The following ANKRD52 variants were observed in gnomAD, a reference collection of about 807,000 sequenced individuals.
ANKRD52 encodes serine/threonine-protein phosphatase 6 regulatory ankyrin repeat subunit C.
In ANKRD52, 7 loss-of-function variants were observed where a neutral mutation model predicts 116.0. The ratio of observed to expected loss-of-function variants is 0.06; its 90% CI spans 0.03 to 0.11. The LOEUF (loss-of-function observed/expected upper bound fraction) is 0.11. Among genes scored for constraint, ANKRD52 ranks in the 10% least tolerant of loss-of-function variants. The pLI, the probability that ANKRD52 is intolerant of heterozygous loss-of-function variation, is 1.00. For synonymous variants in ANKRD52, 528 were observed against 578.1 expected, an observed-to-expected ratio of 0.91 and a Z score of 1.24; for missense variants, 839 against 1,408.6, an observed-to-expected ratio of 0.60 and a Z score of 6.47.
intron 20 of ANKRD52, among the ~76,000 whole-genome samples, chr12:56,246,833 T>G: frequency 6.6e-6 from 1 of 151,050 alleles, no homozygotes; most frequent in Non-Finnish European, 1.5e-5. Context: ...GGCAGGAGAA[T>G]TGCTTGAACC....
At position 56,248,297 on chromosome 12, in the gene ANKRD52, T is replaced by TG; in HGVS notation, c.1777-74dup. On this transcript the variant is annotated intron_variant, in intron 17 of 27. Transcript: ENST00000267116. This position sits in a 1 kb window ranked among gnomAD's most constrained non-coding sequence, Gnocchi z 5.1. ...CTCCTCCCTTCCCCTTCTCTGCTCTTGGGGTCCCTGGGAAGCTCAAGGTCT... is the reference window on the plus strand; with the variant it reads ...CTCCTCCCTTCCCCTTCTCTGCTCTTGGGGGTCCCTGGGAAGCTCAAGGTCT... 6.4e-7 allele frequency: 1 copy of TG among 1,560,084 alleles called. No homozygotes were observed. The highest frequency in any genetic ancestry group is 8.8e-7 in the Non-Finnish European group (1 of 1,138,488).
At position 56,248,858 on chromosome 12, in the gene ANKRD52, G is replaced by C; in HGVS notation, c.1605C>G (p.Phe535Leu). The stretch of plus-strand genomic sequence containing the variant: ...AGGGGTCTGCACCGTTATCCAGTAA[G>C]AACTCCAGACAGCTGGGGAGCCGGG... ...RRKEAFFCLE[F>L]LLDNGADPSL... The change falls in exon 16 of 28, where the codon TTC becomes TTG. Residue 535 changes from phenylalanine to leucine, a missense_variant. By Grantham distance (22) the Phe-to-Leu change is conservative. Coordinates refer to ENST00000267116, the MANE Select transcript of ANKRD52 (RefSeq NM_173595.4). This position sits in a 1 kb window ranked among gnomAD's most constrained non-coding sequence, Gnocchi z 5.1. 1 of 1,603,180 alleles carries C rather than the reference G, an allele frequency of 6.2e-7. No individual in the cohort carries two copies. Among genetic ancestry groups the C allele is most frequent in the South Asian group, 1.1e-5 (1 of 89,256 alleles).
Position 56,254,545 on chromosome 12 carries a change from A to G in ANKRD52, c.693+33T>C, listed in dbSNP as rs139778868. ...GACTATAATCTCCTACTTGCTGCCC[A>G]TAGTTCCCAACCCCAGAGCTCAAAG... is the stretch of plus-strand genomic sequence containing the variant. On this transcript the variant is annotated intron_variant, in intron 7 of 27. Transcript: ENST00000267116. The surrounding 1 kb of genome is among the most constrained non-coding windows in gnomAD (Gnocchi z 4.6). 721 of 1,606,572 alleles carry G rather than the reference A, an allele frequency of 4.5e-4. 7 individuals are homozygous for G. The East Asian group carries it at 0.016, about 35-fold the overall frequency.
Position 56,243,818 on chromosome 12 carries a change from G to T in ANKRD52, c.2947C>A (p.His983Asn), listed in dbSNP as rs1470229322. 2 of 1,563,758 alleles carry T rather than the reference G, an allele frequency of 1.3e-6. No homozygotes were observed. Among genetic ancestry groups the T allele is most frequent in the South Asian group, 2.4e-5 (2 of 84,640 alleles). ...TCCACAGCCAGCACTGTGGCCCCAT[G>T]ACTCAGCAGGGCCTGTACCACAGAA... ...LASVVQALLS[H>N]GATVLAVDEE... The change falls in exon 27 of 28, where the codon CAT (histidine) becomes AAT (asparagine). Residue 983 changes from histidine (H) to asparagine (N), a missense_variant. Coordinates refer to ENST00000267116, the MANE Select transcript of ANKRD52 (RefSeq NM_173595.4). This position sits in a 1 kb window ranked among gnomAD's most constrained non-coding sequence, Gnocchi z 4.6.
rs1430549326 is a variant in ANKRD52 at position 56,254,658 on chromosome 12, T to C, written c.613A>G (p.Lys205Glu). The C allele has an allele frequency of 6.2e-7, 1 of 1,613,678 alleles. No homozygotes were observed. Among genetic ancestry groups the C allele is most frequent in the Non-Finnish European group, 8.5e-7 (1 of 1,179,744 alleles). Residue 205 changes from lysine to glutamate, a missense_variant, in exon 7 of 28, where the codon AAG becomes GAG. Transcript: ENST00000267116. The surrounding 1 kb of genome is among the most constrained non-coding windows in gnomAD (Gnocchi z 4.6). ...GCTGTATGGAGCAGCCCATAGCCCT[T>C]GCGGTCCTTGCAGCCGAGGTCTGCT... ...RGADLGCKDRKGYGLLHTAAA... is the reference protein window; with the variant it reads ...RGADLGCKDREGYGLLHTAAA...
Position 56,248,322 on chromosome 12 carries a change from T to C in ANKRD52, c.1777-98A>G. 6.7e-7 allele frequency: 1 copy of C among 1,500,474 alleles called. No homozygotes were observed. The highest frequency in any genetic ancestry group is 9.2e-7 in the Non-Finnish European group (1 of 1,089,786). 92.9% of individuals were successfully genotyped at this position (1,500,474 alleles called of 1,614,324 possible). ...TGGGGTCCCTGGGAAGCTCAAGGTC[T>C]TAGTCCTTGACAAGCTCCTTGGGCC... On this transcript the variant is annotated intron_variant, in intron 17 of 27. Coordinates refer to ENST00000267116, the MANE Select transcript of ANKRD52 (RefSeq NM_173595.4). This position sits in a 1 kb window ranked among gnomAD's most constrained non-coding sequence, Gnocchi z 5.1.
chr12:56,253,818 GTTTT>G lies in ANKRD52; in HGVS notation c.907-22_907-19del. The G allele has an allele frequency of 6.2e-7, 1 of 1,610,408 alleles. No individual in the cohort carries two copies. Among genetic ancestry groups the G allele is most frequent in the South Asian group, 1.1e-5 (1 of 90,842 alleles). On this transcript the variant is annotated intron_variant, in intron 8 of 27. Transcript: ENST00000267116. This position sits in a 1 kb window ranked among gnomAD's most constrained non-coding sequence, Gnocchi z 5.5. ...TCTTTGCTCTGTGGAAACATGGTGG[GTTTT>G]TGTTTTTGTTTTTTTTTCCAGTGCA...
In ANKRD52 at chr12:56,248,850, T is replaced by G; in HGVS notation, c.1613A>C (p.Asp538Ala). Residue 538 changes from aspartate to alanine, a missense_variant, in exon 16 of 28, where the codon GAT becomes GCT. Transcript: ENST00000267116. The surrounding 1 kb of genome is among the most constrained non-coding windows in gnomAD (Gnocchi z 5.1). Reference protein sequence around the residue: ...EAFFCLEFLLDNGADPSLRDR... With the variant: ...EAFFCLEFLLANGADPSLRDR... The stretch of plus-strand genomic sequence containing the variant: ...CCGCAGGGAGGGGTCTGCACCGTTA[T>G]CCAGTAAGAACTCCAGACAGCTGGG... 3 of 1,606,456 alleles carry G rather than the reference T, an allele frequency of 1.9e-6. No individual in the cohort carries two copies. Among genetic ancestry groups the G allele is most frequent in the Non-Finnish European group, 2.6e-6 (3 of 1,176,372 alleles).
chr12:56,248,897 GC>G lies in ANKRD52; in HGVS notation c.1593-28del. 6.6e-7 allele frequency: 1 copy of G among 1,510,924 alleles called. No homozygotes were observed. The highest frequency in any genetic ancestry group is 9.0e-7 in the Non-Finnish European group (1 of 1,111,900). The allele number at this position is 1,510,924 out of a possible 1,614,324, so 93.6% of individuals were successfully genotyped here. On this transcript the variant is annotated intron_variant, in intron 15 of 27. Transcript: ENST00000267116. This position sits in a 1 kb window ranked among gnomAD's most constrained non-coding sequence, Gnocchi z 5.1. ...TGGGGAGCCGGGGGTAGACTGTGAG[GC>G]AGGGACAGGCCCAGCCCAGGAGGGC... is the stretch of plus-strand genomic sequence containing the variant.
chr12:56,251,254 A>G (rs1196712158), intron 15 of ANKRD52, among the ~76,000 whole-genome samples: 1 of 141,372 alleles, frequency 7.1e-6, no homozygotes, highest in Non-Finnish European at 1.5e-5. Flanking sequence ...TTTTAATTTT[A>G]ATTTTTTTGA....
In ANKRD52 at chr12:56,244,030, C is replaced by A. The variant is rs551280119; in HGVS notation, c.2888+21G>T. On this transcript the variant is annotated intron_variant, in intron 26 of 27. Coordinates refer to ENST00000267116, the MANE Select transcript of ANKRD52 (RefSeq NM_173595.4). The surrounding 1 kb of genome is among the most constrained non-coding windows in gnomAD (Gnocchi z 4.9). The stretch of plus-strand genomic sequence containing the variant: ...CCCACTGGCCTCCCCCAGCCAGGAG[C>A]CCCCTTCCCCAGGCACTCACATCTG... 9 of 1,612,794 alleles carry A rather than the reference C, an allele frequency of 5.6e-6. No individual in the cohort carries two copies. The highest frequency in any genetic ancestry group is 2.2e-5 in the East Asian group (1 of 44,886).
Position 56,242,505 on chromosome 12 carries a change from A to AGGTACAGTAGTT in ANKRD52, c.*625_*636dup, listed in dbSNP as rs1871209033. The AGGTACAGTAGTT allele has an allele frequency of 3.8e-6, 1 of 266,228 alleles. No homozygotes were observed. Among genetic ancestry groups the AGGTACAGTAGTT allele is most frequent in the Non-Finnish European group, 7.0e-6 (1 of 142,278 alleles). The allele number at this position is 266,228 out of a possible 1,614,324, so 16.5% of individuals were successfully genotyped here. A position where few individuals can be genotyped will look rare whatever the true frequency, so the allele number is the denominator to read the frequency against. On this transcript the variant is annotated 3_prime_UTR_variant, in exon 28 of 28. Coordinates refer to ENST00000267116, the MANE Select transcript of ANKRD52 (RefSeq NM_173595.4). This position sits in a 1 kb window ranked among gnomAD's most constrained non-coding sequence, Gnocchi z 4.3. ...AGGGGAGAGTGCAGGATTGGGGCCC[A>AGGTACAGTAGTT]GGTACAGTAGTTGCTGCTTCAAGTG...
At position 56,254,671 on chromosome 12, in the gene ANKRD52, G is replaced by A; in HGVS notation, c.600C>T (p.Gly200=). The part of the protein sequence containing the change: ...KLLVARGADL[G]CKDRKGYGLL... ...GCCCATAGCCCTTGCGGTCCTTGCA[G>A]CCGAGGTCTGCTCCCCGTGCCACCA... The change falls in exon 7 of 28, where the codon GGC becomes GGT. Residue 200 remains glycine (G), a synonymous_variant. Transcript: ENST00000267116. This position sits in a 1 kb window ranked among gnomAD's most constrained non-coding sequence, Gnocchi z 4.6. 6.2e-7 allele frequency: 1 copy of A among 1,613,460 alleles called. No homozygotes were observed. The highest frequency in any genetic ancestry group is 8.5e-7 in the Non-Finnish European group (1 of 1,179,518).
chr12:56,243,245 G>A lies in ANKRD52; in HGVS notation c.3128C>T (p.Ala1043Val). Residue 1043 changes from alanine (A) to valine (V), a missense_variant, in exon 28 of 28, where the codon GCC becomes GTC. Transcript: ENST00000267116. The surrounding 1 kb of genome is among the most constrained non-coding windows in gnomAD (Gnocchi z 4.6). Reference protein sequence around the residue: ...SLLKNCSIAAAKTVGGCGALP... With the variant: ...SLLKNCSIAAVKTVGGCGALP... ...GGCGCCGCAGCCACCCACCGTCTTG[G>A]CGGCTGCAATGCTGCAGTTCTTGAG... 1 of 1,613,880 alleles carries A rather than the reference G, an allele frequency of 6.2e-7. No homozygotes were observed. Among genetic ancestry groups the A allele is most frequent in the African/African-American group, 1.3e-5 (1 of 75,064 alleles).
In ANKRD52 at chr12:56,252,033, C is replaced by T. The variant is rs368861089; in HGVS notation, c.1574G>A (p.Arg525His). The T allele has an allele frequency of 9.3e-6, 15 of 1,613,644 alleles. No homozygotes were observed. In the African/African-American group the frequency reaches 9.3e-5, roughly 10 times the overall value. The change falls in exon 15 of 28, where the codon CGC becomes CAC. Residue 525 changes from arginine (R) to histidine (H), a missense_variant. Coordinates refer to ENST00000267116, the MANE Select transcript of ANKRD52 (RefSeq NM_173595.4). This position sits in a 1 kb window ranked among gnomAD's most constrained non-coding sequence, Gnocchi z 4.7. ...AEEDEPLKES[R>H]RKEAFFCLEF... ...TACTCACAAGAAGGCCTCCTTCCTGCGGGACTCCTTCAGTGGCTCGTCCTC... is the reference window on the plus strand; with the variant it reads ...TACTCACAAGAAGGCCTCCTTCCTGTGGGACTCCTTCAGTGGCTCGTCCTC...
intron 4 of ANKRD52, among the ~76,000 whole-genome samples, chr12:56,256,386 T>C (rs972493051): frequency 2.6e-5 from 4 of 152,190 alleles, no homozygotes; most frequent in Non-Finnish European, 4.4e-5. Context: ...AGCCTTCTCA[T>C]AGGCACCAAA....
In ANKRD52 at chr12:56,258,302, C is replaced by CCGGCGG. The variant is rs751124828; in HGVS notation, c.-39_-34dup. 5.2e-5 allele frequency: 80 copies of CCGGCGG among 1,535,144 alleles called. No homozygotes were observed. Among genetic ancestry groups the CCGGCGG allele is most frequent in the East Asian group, 1.1e-4 (4 of 37,566 alleles). Reference sequence around the variant, plus strand: ...CCCGGGCTCCGTCCGCATCGAGCTCCCGGCGGCGGCGGCGGCGGCTCCACC... The same window carrying CCGGCGG: ...CCCGGGCTCCGTCCGCATCGAGCTCCCGGCGGCGGCGGCGGCGGCGGCGGCTCCACC... On this transcript the variant is annotated 5_prime_UTR_variant, in exon 1 of 28. Transcript: ENST00000267116.
chr12:56,258,027 T>A, intron 1 of ANKRD52, 116 bp from the exon 2 acceptor site: 1 of 1,296,722 alleles, frequency 7.7e-7, no homozygotes, highest in Non-Finnish European at 1.1e-6. Context: ...GGGGCTCCAC[T>A]CTAGGGATTC....
chr12:56,254,183 T>C lies in ANKRD52; in HGVS notation c.790A>G (p.Asn264Asp). Residue 264 changes from asparagine to aspartate, a missense_variant, in exon 8 of 28, where the codon AAT becomes GAT. This residue lies in a region of ANKRD52 where 287 missense variants were observed against 598.1 expected (regional missense o/e 0.48). Transcript: ENST00000267116. The surrounding 1 kb of genome is among the most constrained non-coding windows in gnomAD (Gnocchi z 4.6). ...VAIELVNAGA[N>D]VNQPNDKGFT... ...CCCTTGTCATTCGGCTGGTTGACAT[T>C]GGCTCCGGCATTCACCAGCTCAATA... The C allele has an allele frequency of 6.2e-7, 1 of 1,613,970 alleles. No homozygotes were observed. Among genetic ancestry groups the C allele is most frequent in the African/African-American group, 1.3e-5 (1 of 75,040 alleles).
Sources: allele counts gnomAD v4.1 joint callset (sites outside exome capture counted in the v4.1 genomes callset), GRCh38; gene constraint gnomAD v4.1.1; regional missense constraint gnomAD v4.1.1; non-coding constraint Gnocchi (gnomAD v3.1); transcripts MANE v1.5; gene names NCBI Gene and HGNC (gene_info 2026-07-23, HGNC 2026-07-21).